TPD52: variants seen among roughly 807,000 people sequenced by gnomAD.
TPD52 encodes tumor protein D52.
TPD52 carries 17 observed loss-of-function variants against 31.3 expected under a neutral mutation model. The observed-to-expected ratio is 0.54, with a 90% CI of 0.37 to 0.82. The LOEUF is 0.82. TPD52 is among the 40% of genes least tolerant of loss of function. The probability of loss-of-function intolerance (pLI) is 0.00; values close to 1 mark genes in which losing one functional copy is unlikely to be tolerated. For synonymous variants in TPD52, 83 were observed against 89.6 expected, an observed-to-expected ratio of 0.93 and a Z score of 0.42; for missense variants, 212 against 240.1, an observed-to-expected ratio of 0.88 and a Z score of 0.77.
At chr8:80,080,738 G>T (rs1815181756) in intron 1 of TPD52, 2 of 1,095,686 alleles carry the variant, frequency 1.8e-6, no homozygotes, top group Middle Eastern at 4.0e-4. Flanking sequence ...GAAAAACCTG[G>T]GCAGGGAGCG....
intron 1 of TPD52, among the ~76,000 whole-genome samples, chr8:80,082,098 G>T (rs892781054): frequency 2.0e-4 from 30 of 150,704 alleles, no homozygotes; most frequent in African/African-American, 7.1e-4. Flanking sequence ...GTGAGCCACC[G>T]TGCCCGGACT....
intron 1 of TPD52, chr8:80,080,717 C>G: frequency 1.8e-6 from 2 of 1,135,804 alleles, no homozygotes; most frequent in Non-Finnish European, 2.2e-6. Flanking sequence ...GTGTTAATTT[C>G]GATCAACAAT....
chr8:80,112,802 T>C (rs528426226), intron 1 of TPD52, among the ~76,000 whole-genome samples: 10 of 152,288 alleles, frequency 6.6e-5, no homozygotes, highest in African/African-American at 2.2e-4. Context: ...TTCTCCCTAA[T>C]GAACTACAGG....
intron 1 of TPD52, among the ~76,000 whole-genome samples, chr8:80,166,288 G>C (rs73252147): frequency 0.016 from 2,507 of 152,148 alleles, 69 homozygotes; most frequent in African/African-American, 0.056. Flanking sequence ...ACTCCAGCCT[G>C]GGCAAGAGAG....
chr8:80,046,126 A>G (rs574696404), intron 5 of TPD52, among the ~76,000 whole-genome samples: 13 of 152,324 alleles, frequency 8.5e-5, no homozygotes, highest in Non-Finnish European at 1.9e-4. Context: ...GCATGTACCT[A>G]CTAAATATGT....
At chr8:80,155,439 G>C (rs112250670) in intron 1 of TPD52, among the ~76,000 whole-genome samples, 3 of 152,278 alleles carry the variant, frequency 2.0e-5, no homozygotes, top group Non-Finnish European at 2.9e-5. Context: ...AAACCAGGTA[G>C]GGGGTGTCAT....
At chr8:80,072,368 C>A (rs1370834847) in intron 1 of TPD52, among the ~76,000 whole-genome samples, 3 of 105,050 alleles carry the variant, frequency 2.9e-5, no homozygotes, top group African/African-American at 1.1e-4. Context: ...TATACATGTA[C>A]ACATAGATAT....
At chr8:80,080,733 A>G (rs906579965) in intron 1 of TPD52, 101 of 1,109,076 alleles carry the variant, frequency 9.1e-5, no homozygotes, top group Non-Finnish European at 1.1e-4. Context: ...ACAATGAAAA[A>G]CCTGGGCAGG....
chr8:80,100,327 TA>T (rs1052306501), intron 1 of TPD52, among the ~76,000 whole-genome samples: 2 of 152,196 alleles, frequency 1.3e-5, no homozygotes, highest in African/African-American at 4.8e-5. Context: ...TTCTTACTCT[TA>T]AACAAAAACA....
At chr8:80,140,901 C>T (rs568632515) in intron 1 of TPD52, among the ~76,000 whole-genome samples, 1 of 151,434 alleles carries the variant, frequency 6.6e-6, no homozygotes, top group Non-Finnish European at 1.5e-5. Flanking sequence ...TTCTGTCATA[C>T]CGGCAGGAAG....
chr8:80,140,801 G>C (rs1471032567), intron 1 of TPD52, among the ~76,000 whole-genome samples: 2 of 152,170 alleles, frequency 1.3e-5, no homozygotes, highest in African/African-American at 4.8e-5. Context: ...GCACCACTTA[G>C]CAACAGGAAA....
At chr8:80,105,023 C>A (rs867621710) in intron 1 of TPD52, among the ~76,000 whole-genome samples, 1 of 151,742 alleles carries the variant, frequency 6.6e-6, no homozygotes. Flanking sequence ...TGTGCCACTG[C>A]ACTCCAGCCT....
chr8:80,078,961 A>C (rs969181204), intron 1 of TPD52, among the ~76,000 whole-genome samples: 2 of 152,284 alleles, frequency 1.3e-5, no homozygotes, highest in Middle Eastern at 3.4e-3. Flanking sequence ...AGAAGCAAGC[A>C]GTGTCAATCT....
intron 1 of TPD52, among the ~76,000 whole-genome samples, chr8:80,122,524 T>C (rs979234061): frequency 6.6e-6 from 1 of 152,062 alleles, no homozygotes; most frequent in Admixed American, 6.6e-5. Flanking sequence ...CACAAGCACA[T>C]AAGGGCCAAA....
At chr8:80,060,476 C>T (rs1009895527) in intron 2 of TPD52, among the ~76,000 whole-genome samples, 1 of 152,006 alleles carries the variant, frequency 6.6e-6, no homozygotes, top group Non-Finnish European at 1.5e-5. Flanking sequence ...TTCTAAAAAA[C>T]CAGAAGATGG....
chr8:80,073,684 C>T (rs1032968623), intron 1 of TPD52, among the ~76,000 whole-genome samples: 1 of 152,346 alleles, frequency 6.6e-6, no homozygotes, highest in South Asian at 2.1e-4. Flanking sequence ...AAGATAAGAA[C>T]CCAGTCTCCC....
intron 1 of TPD52, among the ~76,000 whole-genome samples, chr8:80,164,013 TGAGAGAGAGACAGA>T (rs1250437335): frequency 2.3e-4 from 29 of 123,658 alleles, no homozygotes; most frequent in East Asian, 9.0e-4. Context: ...ATTCTAACTG[TGAGAGAGAGACAGA>T]GAGAGAGAGA....
intron 1 of TPD52, among the ~76,000 whole-genome samples, chr8:80,135,293 A>G (rs984377156): frequency 1.5e-4 from 23 of 152,184 alleles, no homozygotes; most frequent in African/African-American, 5.6e-4. Flanking sequence ...TTTGATAGAG[A>G]AAAGTGGTCA....
At chr8:80,089,254 T>A (rs1243906907) in intron 1 of TPD52, among the ~76,000 whole-genome samples, 1 of 152,026 alleles carries the variant, frequency 6.6e-6, no homozygotes, top group Non-Finnish European at 1.5e-5. Flanking sequence ...ATGCTGGAGA[T>A]CAACTGGAGG....
Sources: gnomAD v4.1 joint callset for allele counts (sites outside exome capture counted in the v4.1 genomes callset) on GRCh38, gnomAD v4.1.1 for gene constraint, MANE v1.5 for transcripts, NCBI Gene and HGNC (gene_info 2026-07-23, HGNC 2026-07-21) for gene names.